PCSK5: variants seen among roughly 807,000 people sequenced by gnomAD.
The protein encoded by PCSK5 is prohormone convertase 5.
Under a neutral mutation model 233.2 loss-of-function variants are expected in PCSK5, and 129 were observed. The observed-to-expected ratio is 0.55, with a 90% CI of 0.48 to 0.64. The LOEUF is 0.64. Among genes scored for constraint, PCSK5 ranks in the 30% least tolerant of loss-of-function variants. The pLI, the probability that PCSK5 is intolerant of heterozygous loss-of-function variation, is 0.00. For missense variants in PCSK5, 2,076 were observed against 2,430.1 expected (o/e 0.85, Z 3.06); for synonymous variants, 825 against 879.2 (o/e 0.94, Z 1.09).
intron 5 of PCSK5, among the ~76,000 whole-genome samples, chr9:76,064,039 A>T (rs1406738374): frequency 6.5e-5 from 4 of 61,432 alleles, no homozygotes; most frequent in Non-Finnish European, 9.0e-5. Flanking sequence ...CGGACGGGGC[A>T]GCTGGCCGGG....
intron 9 of PCSK5, among the ~76,000 whole-genome samples, chr9:76,123,957 T>C (rs1832743228): frequency 6.6e-6 from 1 of 152,078 alleles, no homozygotes; most frequent in South Asian, 2.1e-4. Flanking sequence ...ATTTCTTTTT[T>C]CATTTGTATT....
intron 24 of PCSK5, among the ~76,000 whole-genome samples, chr9:76,284,714 T>C (rs1316818728): frequency 1.3e-5 from 2 of 151,974 alleles, no homozygotes; most frequent in Non-Finnish European, 2.9e-5. Context: ...GTATTTTTAG[T>C]AGAGACAGAG....
chr9:76,291,602 T>A (rs1365530647), intron 24 of PCSK5, among the ~76,000 whole-genome samples: 1 of 152,140 alleles, frequency 6.6e-6, no homozygotes, highest in Admixed American at 6.5e-5. Context: ...AGATGATGAC[T>A]CTCAAAATCT....
Position 76,310,856 on chromosome 9 carries a change from GT to G in PCSK5, c.3884+8del, listed in dbSNP as rs778907348. 32 of 1,560,150 alleles carry G rather than the reference GT, an allele frequency of 2.1e-5. No individual in the cohort carries two copies. The African/African-American group carries it at 2.5e-4, about 12-fold the overall frequency. On this transcript the variant is annotated splice_donor_region_variant and intron_variant, in intron 30 of 37. Transcript: ENST00000674117. ...GTGCTACTCCAAGTGCCCGGAGTAA[GT>G]TTCCTTTTTAATTTTACTTCCTGCT...
At chr9:75,928,744 A>G (rs11793790) in intron 1 of PCSK5, among the ~76,000 whole-genome samples, 20,867 of 150,314 alleles carry the variant, frequency 0.14, 1,742 homozygotes, top group Non-Finnish European at 0.19. Context: ...AAGAAAATAA[A>G]GGGTAGAGAT....
chr9:76,212,099 T>C (rs1275699748), intron 20 of PCSK5, among the ~76,000 whole-genome samples: 1 of 152,156 alleles, frequency 6.6e-6, no homozygotes. Flanking sequence ...TACCTTCTCT[T>C]CGTGTGAGTT....
chr9:76,026,040 T>A (rs1587516031), intron 4 of PCSK5, among the ~76,000 whole-genome samples: 1 of 151,942 alleles, frequency 6.6e-6, no homozygotes, highest in Admixed American at 6.6e-5. Context: ...AGATACAGGG[T>A]ATAGTGAGCC....
chr9:76,066,516 A>G lies in PCSK5; in HGVS notation c.633-1439A>G, dbSNP rs894540502. On this transcript the variant is annotated intron_variant, in intron 5 of 37. Coordinates refer to ENST00000674117, the MANE Select transcript of PCSK5 (RefSeq NM_001372043.1). ...TGTTCTTCGTATTGTTGTTAATATT[A>G]GTGAATAACTGAGCAAAGTTCCAGG... 3.3e-5 allele frequency among the ~76,000 whole-genome samples: 5 copies of G among 152,322 alleles called. No homozygotes were observed. The East Asian group carries it at 9.6e-4, about 29-fold the overall frequency.
intron 2 of PCSK5, among the ~76,000 whole-genome samples, chr9:75,962,214 G>A (rs1405132007): frequency 1.3e-5 from 2 of 152,130 alleles, no homozygotes; most frequent in Non-Finnish European, 2.9e-5. Flanking sequence ...AAGGAGCATG[G>A]GTGGTTTCTC....
In PCSK5 at chr9:76,199,488, T is replaced by C. The variant is rs145546213; in HGVS notation, c.2626+9742T>C. Among the ~76,000 whole-genome samples, 170 of 152,228 alleles carry C rather than the reference T, an allele frequency of 1.1e-3. 1 individual carries two copies. The highest frequency in any genetic ancestry group is 6.7e-3 in the Admixed American group (103 of 15,292). ...TGATATGATGTGAGACCTGCAGAGA[T>C]TGGAGAATCTAGGATCTTGAGAATC... On this transcript the variant is annotated intron_variant, in intron 20 of 37. Transcript: ENST00000674117.
At chr9:76,353,890 A>T (rs904356302) in intron 36 of PCSK5, 143 bp from the exon 37 acceptor site, 12 of 639,850 alleles carry the variant, frequency 1.9e-5, no homozygotes, top group Non-Finnish European at 3.3e-5. Context: ...AACACAGTTA[A>T]AATGGGCTTA....
chr9:76,227,737 A>G lies in PCSK5; in HGVS notation c.2729+132A>G, dbSNP rs377485739. 33 of 649,740 alleles carry G rather than the reference A, an allele frequency of 5.1e-5. No homozygotes were observed. The East Asian group carries it at 7.9e-4, about 16-fold the overall frequency. 40.2% of individuals were successfully genotyped at this position (649,740 alleles called of 1,614,324 possible). On this transcript the variant is annotated intron_variant, in intron 21 of 37. Transcript: ENST00000674117. ...AGAAGCAAACTCTTTCCCACTCCAC[A>G]GATATTCTCCTTGGTCTGGGCACAG...
intron 24 of PCSK5, among the ~76,000 whole-genome samples, chr9:76,289,206 G>A (rs1828185860): frequency 6.6e-6 from 1 of 152,070 alleles, no homozygotes; most frequent in African/African-American, 2.4e-5. Context: ...GTCCTGACGA[G>A]GCATCTGCTC....
At chr9:76,052,280 C>A (rs1348134020) in intron 5 of PCSK5, among the ~76,000 whole-genome samples, 1 of 152,084 alleles carries the variant, frequency 6.6e-6, no homozygotes, top group African/African-American at 2.4e-5. Context: ...CATACATAAA[C>A]CCTGTGCATT....
At chr9:75,945,002 G>A (rs1293025132) in intron 2 of PCSK5, among the ~76,000 whole-genome samples, 3 of 151,760 alleles carry the variant, frequency 2.0e-5, no homozygotes, top group Admixed American at 1.3e-4. Context: ...CCAACTACTC[G>A]GGAGGCTGAG....
intron 2 of PCSK5, among the ~76,000 whole-genome samples, chr9:75,948,010 T>TA (rs1824655501): frequency 6.6e-6 from 1 of 151,336 alleles, no homozygotes; most frequent in Non-Finnish European, 1.5e-5. Flanking sequence ...CCCACTTAAT[T>TA]TTTTTTTTAA....
chr9:75,936,036 G>A (rs1189484585), intron 2 of PCSK5, among the ~76,000 whole-genome samples: 5 of 152,102 alleles, frequency 3.3e-5, no homozygotes, highest in African/African-American at 4.8e-5. Flanking sequence ...GTTTTCCAAC[G>A]CATATAAAAG....
intron 4 of PCSK5, 51 bp from the exon 5 acceptor site, chr9:76,026,910 A>G: frequency 8.1e-7 from 1 of 1,241,440 alleles, no homozygotes; most frequent in Non-Finnish European, 1.2e-6. Flanking sequence ...GTCATTGGCT[A>G]ATTAATGAAT....
rs149984558 is a variant in PCSK5, at chr9:76,152,079, G to A, written c.1313-4966G>A. 9.9e-3 allele frequency among the ~76,000 whole-genome samples: 1,501 copies of A among 152,234 alleles called. 21 individuals carry two copies. Among genetic ancestry groups the A allele is most frequent in the African/African-American group, 0.034 (1,399 of 41,534 alleles). On this transcript the variant is annotated intron_variant, in intron 10 of 37. Transcript: ENST00000674117. ...CATATTTTGATGGTTATGTGCATCCGAACAAATAGAAATGTAGGTGCAGGA... is the reference window on the plus strand; with the variant it reads ...CATATTTTGATGGTTATGTGCATCCAAACAAATAGAAATGTAGGTGCAGGA...
Sources: allele counts gnomAD v4.1 joint callset (sites outside exome capture counted in the v4.1 genomes callset), GRCh38; gene constraint gnomAD v4.1.1; transcripts MANE v1.5; gene names NCBI Gene and HGNC (gene_info 2026-07-23, HGNC 2026-07-21).